Variants in TTC8 observed in about 807,000 individuals in gnomAD.
The protein encoded by TTC8 is tetratricopeptide repeat protein 8.
A neutral mutation model predicts 72.5 loss-of-function variants in TTC8; 47 were observed. That is an observed-to-expected ratio of 0.65 (90% confidence interval 0.51 to 0.83). TTC8 has a LOEUF of 0.83. TTC8 is among the 40% of genes least tolerant of loss of function. TTC8 has a pLI of 0.00. For missense variants in TTC8, 611 were observed against 623.2 expected (o/e 0.98, Z 0.21); for synonymous variants, 199 against 221.4 (o/e 0.90, Z 0.90).
chr14:88,857,194 G>A lies in TTC8; in HGVS notation c.715G>A (p.Gly239Arg), dbSNP rs374351698. 1 of 1,613,592 alleles carries A rather than the reference G, an allele frequency of 6.2e-7. No homozygotes were observed. The highest frequency in any genetic ancestry group is 1.3e-5 in the African/African-American group (1 of 74,882). The change falls in exon 9 of 15, where the codon GGA (glycine) becomes AGA (arginine). Residue 239 changes from glycine (G) to arginine (R), a missense_variant. Transcript: ENST00000380656. Reference sequence around the variant, plus strand: ...TCTTAAAATTGCTATTTGTAGGTTGGGAATGTATCGTGAAGCAGAAAAACA... The same window carrying A: ...TCTTAAAATTGCTATTTGTAGGTTGAGAATGTATCGTGAAGCAGAAAAACA... ...VQIGKCYYRL[G>R]MYREAEKQFK...
At chr14:88,837,977 G>A (rs2094761008) in intron 2 of TTC8, among the ~76,000 whole-genome samples, 1 of 151,950 alleles carries the variant, frequency 6.6e-6, no homozygotes, top group Admixed American at 6.6e-5. Context: ...AAAACAGTTT[G>A]TTCTAAATTT....
At chr14:88,824,609 C>A, upstream of TTC8, 1 of 941,936 alleles carries the variant, frequency 1.1e-6, no homozygotes, top group Non-Finnish European at 1.7e-6. Flanking sequence ...AGGCCCCAGC[C>A]GTCGCGGGTT....
intron 2 of TTC8, among the ~76,000 whole-genome samples, chr14:88,836,179 C>T (rs779724450): frequency 6.6e-6 from 1 of 151,944 alleles, no homozygotes; most frequent in Non-Finnish European, 1.5e-5. Flanking sequence ...TGGATTCTTA[C>T]GGAATAAAAA....
chr14:88,857,359 A>G (rs1391982233), intron 9 of TTC8, 82 bp downstream of exon 9: 1 of 1,180,594 alleles, frequency 8.5e-7, no homozygotes, highest in Non-Finnish European at 1.3e-6. Flanking sequence ...GAGAGTAAAC[A>G]GCTTCTTCAG....
At position 88,857,098 on chromosome 14, in the gene TTC8, T is replaced by G. The variant is rs957331153; in HGVS notation, c.711-92T>G. 5.5e-6 allele frequency: 6 copies of G among 1,082,026 alleles called. No homozygotes were observed. In the African/African-American group the frequency reaches 9.3e-5, roughly 17 times the overall value. The allele number at this position is 1,082,026 out of a possible 1,614,324, so 67.0% of individuals were successfully genotyped here. A position where few individuals can be genotyped will look rare whatever the true frequency, so the allele number is the denominator to read the frequency against. ...AACATTACCTTCCTTGGTATGTGCTTCCTCTTATAATTTGTCTCTATTCAT... is the reference window on the plus strand; with the variant it reads ...AACATTACCTTCCTTGGTATGTGCTGCCTCTTATAATTTGTCTCTATTCAT... On this transcript the variant is annotated intron_variant, in intron 8 of 14. Coordinates refer to ENST00000380656, the MANE Select transcript of TTC8 (RefSeq NM_144596.4).
At chr14:88,859,480 A>G (rs1416498474) in intron 9 of TTC8, among the ~76,000 whole-genome samples, 1 of 152,164 alleles carries the variant, frequency 6.6e-6, no homozygotes, top group Non-Finnish European at 1.5e-5. Context: ...ACACATGGAC[A>G]CATAGAGGGG....
At position 88,829,565 on chromosome 14, in the gene TTC8, T is replaced by C. The variant is rs538109594; in HGVS notation, c.115-4128T>C. ...TTTTTAAAAGACAATATGCTTTCAT[T>C]AATGGGGTAGGTGTCTGGTAGATTT... On this transcript the variant is annotated intron_variant, in intron 1 of 14. Coordinates refer to ENST00000380656, the MANE Select transcript of TTC8 (RefSeq NM_144596.4). Among the ~76,000 whole-genome samples the C allele has an allele frequency of 4.6e-5, 7 of 152,334 alleles. No homozygotes were observed. In the South Asian group the frequency reaches 1.4e-3, roughly 32 times the overall value.
intron 9 of TTC8, among the ~76,000 whole-genome samples, chr14:88,860,566 C>G (rs142233003): frequency 6.6e-6 from 1 of 152,154 alleles, no homozygotes; most frequent in African/African-American, 2.4e-5. Flanking sequence ...TAACCTCAGT[C>G]TCCTAATTGG....
rs1237705202 is a variant in TTC8, at chr14:88,870,945, A to G, written c.1050-604A>G. Among the ~76,000 whole-genome samples, 4 of 152,194 alleles carry G rather than the reference A, an allele frequency of 2.6e-5. No homozygotes were observed. In the South Asian group the frequency reaches 6.2e-4, roughly 24 times the overall value. On this transcript the variant is annotated intron_variant, in intron 11 of 14. Coordinates refer to ENST00000380656, the MANE Select transcript of TTC8 (RefSeq NM_144596.4). ...AGCTGGGCTGGATTTTCATTTGCTC[A>G]TATGAACTCGCTTGTCCTTTGTCCC...
chr14:88,866,382 A>AACAC (rs10553603), intron 10 of TTC8, among the ~76,000 whole-genome samples: 15,249 of 146,528 alleles, frequency 0.1, 911 homozygotes, highest in Non-Finnish European at 0.14. Flanking sequence ...GGGAGATTTA[A>AACAC]ACACACACAC....
chr14:88,846,080 G>A (rs908638864), intron 7 of TTC8, among the ~76,000 whole-genome samples: 2 of 152,166 alleles, frequency 1.3e-5, no homozygotes, highest in Admixed American at 6.5e-5. Context: ...GCTGAGGCAG[G>A]TGTATCACTG....
intron 14 of TTC8, among the ~76,000 whole-genome samples, chr14:88,876,541 G>A (rs546255310): frequency 8.5e-5 from 13 of 152,160 alleles, no homozygotes; most frequent in African/African-American, 1.7e-4. Flanking sequence ...AAATGTTTGA[G>A]GTGACGGATA....
chr14:88,847,014 G>C (rs1039582158), intron 7 of TTC8: 1 of 171,700 alleles, frequency 5.8e-6, no homozygotes, highest in Admixed American at 6.3e-5. Context: ...TATTGGGGCT[G>C]TTGGGTAGTT....
At chr14:88,837,145 T>C in intron 2 of TTC8, 1 of 188,302 alleles carries the variant, frequency 5.3e-6, no homozygotes, top group South Asian at 6.4e-5. Flanking sequence ...TAGCTTCTCA[T>C]CAGGATAAAA....
At chr14:88,834,882 C>G (rs2094743174) in intron 2 of TTC8, among the ~76,000 whole-genome samples, 1 of 152,102 alleles carries the variant, frequency 6.6e-6, no homozygotes, top group Non-Finnish European at 1.5e-5. Context: ...AGCACAAGGA[C>G]TCATGAAAAA....
chr14:88,856,728 T>G (rs2094857805), intron 8 of TTC8, among the ~76,000 whole-genome samples: 1 of 152,216 alleles, frequency 6.6e-6, no homozygotes, highest in African/African-American at 2.4e-5. Context: ...AAGTGCTAAT[T>G]ATTACTTACA....
intron 8 of TTC8, among the ~76,000 whole-genome samples, chr14:88,856,582 G>A (rs1200043004): frequency 1.3e-5 from 2 of 152,062 alleles, no homozygotes; most frequent in Non-Finnish European, 2.9e-5. Context: ...TAAGAGGTAG[G>A]CCCTACTTAC....
chr14:88,867,450 G>A (rs751030022), intron 10 of TTC8, among the ~76,000 whole-genome samples: 121 of 152,224 alleles, frequency 7.9e-4, no homozygotes, highest in Non-Finnish European at 4.0e-4. Flanking sequence ...GAATGATTCT[G>A]TTTATGGTTA....
In TTC8 at chr14:88,853,027, G is replaced by A; in HGVS notation, c.681G>A (p.Trp227Ter). The change falls in exon 8 of 15, where the codon TGG becomes TGA. Residue 227 changes from tryptophan (W) to a stop codon, truncating the protein, a stop_gained. Coordinates refer to ENST00000380656, the MANE Select transcript of TTC8 (RefSeq NM_144596.4). LOFTEE classifies it high-confidence loss of function. ...ATTCTCAGTACAAGGACTGGTGGTG[G>A]AAAGTACAGATTGGAAAATGTTACT... is the stretch of plus-strand genomic sequence containing the variant. ...TEHSQYKDWWWKVQIGKCYYR... is the reference protein window; with the variant it reads ...TEHSQYKDWW 6.2e-7 allele frequency: 1 copy of A among 1,613,382 alleles called. No individual in the cohort carries two copies. The highest frequency in any genetic ancestry group is 1.7e-4 in the Middle Eastern group (1 of 6,054).
Sources: gnomAD v4.1 joint callset for allele counts (sites outside exome capture counted in the v4.1 genomes callset) on GRCh38, gnomAD v4.1.1 for gene constraint, MANE v1.5 for transcripts, NCBI Gene and HGNC (gene_info 2026-07-23, HGNC 2026-07-21) for gene names.